KANK1: variants seen among roughly 807,000 people sequenced by gnomAD.
The protein encoded by KANK1 is KN motif and ankyrin repeat domain-containing protein 1.
A neutral mutation model predicts 106.2 loss-of-function variants in KANK1; 109 were observed. The observed-to-expected ratio is 1.03, with a 90% CI of 0.88 to 1.20. The LOEUF is 1.20. Among genes scored for constraint, KANK1 ranks in the 50% most tolerant of loss-of-function variants. KANK1 has a pLI of 0.00. For synonymous variants in KANK1, 873 were observed against 652.2 expected, an observed-to-expected ratio of 1.34 and a Z score of -5.16; for missense variants, 2,399 against 1,710.7, an observed-to-expected ratio of 1.40 and a Z score of -7.10.
intron 1 of KANK1, among the ~76,000 whole-genome samples, chr9:637,210 G>T (rs1369443799): frequency 6.6e-6 from 1 of 152,148 alleles, no homozygotes; most frequent in African/African-American, 2.4e-5. Context: ...CAGGTCTTCT[G>T]TTGCCTTCAA....
At chr9:647,071 C>A (rs183956754) in intron 1 of KANK1, among the ~76,000 whole-genome samples, 15 of 151,190 alleles carry the variant, frequency 9.9e-5, no homozygotes, top group African/African-American at 3.7e-4. Context: ...TTCCAGAAGC[C>A]ATCCCCATGA....
intron 1 of KANK1, among the ~76,000 whole-genome samples, chr9:663,505 A>G (rs1051656404): frequency 2.6e-5 from 4 of 152,240 alleles, no homozygotes; most frequent in African/African-American, 9.6e-5. Context: ...AGGAAGAAAC[A>G]TAAAGTTGGT....
chr9:583,190 C>A (rs1210423457), intron 1 of KANK1, among the ~76,000 whole-genome samples: 1 of 152,016 alleles, frequency 6.6e-6, no homozygotes, highest in Non-Finnish European at 1.5e-5. Context: ...AATTCTGTTA[C>A]CAAGTCTTTT....
At chr9:547,112 G>T (rs2060980384) in intron 1 of KANK1, among the ~76,000 whole-genome samples, 1 of 152,186 alleles carries the variant, frequency 6.6e-6, no homozygotes, top group African/African-American at 2.4e-5. Context: ...CCCTCTGTTG[G>T]TGTTCTTTTT....
At chr9:474,963 C>T (rs2058079199) in intron 3 of KANK1, among the ~76,000 whole-genome samples, 1 of 152,076 alleles carries the variant, frequency 6.6e-6, no homozygotes, top group African/African-American at 2.4e-5. Flanking sequence ...CAGGAGAGGG[C>T]CCCCCACCCT....
intron 1 of KANK1, among the ~76,000 whole-genome samples, chr9:613,051 G>A (rs2136192798): frequency 1.3e-5 from 2 of 152,086 alleles, no homozygotes; most frequent in African/African-American, 4.8e-5. Flanking sequence ...GAAGATATTG[G>A]GACAGAAGGA....
chr9:627,666 C>G (rs1181189861), intron 1 of KANK1, among the ~76,000 whole-genome samples: 1 of 152,168 alleles, frequency 6.6e-6, no homozygotes, highest in Non-Finnish European at 1.5e-5. Flanking sequence ...CATGTCATTC[C>G]AGCTCGTATC....
intron 1 of KANK1, among the ~76,000 whole-genome samples, chr9:653,758 T>C (rs1377650620): frequency 2.0e-5 from 3 of 152,196 alleles, no homozygotes; most frequent in South Asian, 2.1e-4. Flanking sequence ...GTTGCAGATA[T>C]GTTTTCTTCA....
At chr9:542,820 T>C (rs1250024828) in intron 1 of KANK1, among the ~76,000 whole-genome samples, 1 of 145,064 alleles carries the variant, frequency 6.9e-6, no homozygotes, top group Non-Finnish European at 1.5e-5. Context: ...TTTTCTCACT[T>C]ATATGTGGTA....
chr9:532,167 G>A (rs537550183), intron 1 of KANK1, among the ~76,000 whole-genome samples: 7 of 151,670 alleles, frequency 4.6e-5, no homozygotes, highest in Non-Finnish European at 1.0e-4. Flanking sequence ...GCATAACGGT[G>A]AACAGAGATT....
intron 2 of KANK1, among the ~76,000 whole-genome samples, chr9:709,423 G>C (rs1414453179): frequency 6.6e-6 from 1 of 152,184 alleles, no homozygotes; most frequent in East Asian, 1.9e-4. Context: ...GCAAAAGACA[G>C]CAGCAGGGAC....
intron 2 of KANK1, among the ~76,000 whole-genome samples, chr9:689,200 G>T (rs190863010): frequency 1.1e-4 from 16 of 152,194 alleles, no homozygotes; most frequent in African/African-American, 3.9e-4. Flanking sequence ...GGGCAATCCA[G>T]ACTGTGAAGA....
chr9:739,355 C>G (rs1834714560), intron 8 of KANK1, among the ~76,000 whole-genome samples: 1 of 152,190 alleles, frequency 6.6e-6, no homozygotes, highest in Non-Finnish European at 1.5e-5. Flanking sequence ...TCATACTGTC[C>G]AATTTTCTGA....
intron 1 of KANK1, among the ~76,000 whole-genome samples, chr9:586,999 TTC>T (rs1823650322): frequency 6.6e-6 from 1 of 152,178 alleles, no homozygotes; most frequent in Non-Finnish European, 1.5e-5. Flanking sequence ...TCAAAAACAT[TTC>T]TTTTTCCTTT....
chr9:601,620 G>A (rs937417835), intron 1 of KANK1, among the ~76,000 whole-genome samples: 4 of 151,804 alleles, frequency 2.6e-5, no homozygotes, highest in Admixed American at 2.6e-4. Context: ...TATTCGTGTG[G>A]ACTCATCATG....
intron 1 of KANK1, among the ~76,000 whole-genome samples, chr9:602,109 GTTCT>G (rs1442429727): frequency 6.6e-6 from 1 of 151,820 alleles, no homozygotes; most frequent in East Asian, 1.9e-4. Flanking sequence ...AGAAAAATAG[GTTCT>G]TTATCAATGG....
intron 1 of KANK1, among the ~76,000 whole-genome samples, chr9:632,559 C>T (rs944295137): frequency 4.6e-5 from 7 of 152,130 alleles, no homozygotes; most frequent in African/African-American, 1.7e-4. Flanking sequence ...TTCAAATGCA[C>T]CTTGGACTGC....
At chr9:523,699 C>T (rs992859902) in intron 1 of KANK1, among the ~76,000 whole-genome samples, 1 of 151,672 alleles carries the variant, frequency 6.6e-6, no homozygotes. Context: ...CTGGAGTGCT[C>T]TGTCCTCACC....
intron 1 of KANK1, among the ~76,000 whole-genome samples, chr9:543,734 A>T (rs1427480826): frequency 6.6e-6 from 1 of 152,158 alleles, no homozygotes; most frequent in Admixed American, 6.5e-5. Flanking sequence ...CAGTTTACAA[A>T]GTTTCCACTT....
Sources: gnomAD v4.1 joint callset for allele counts (sites outside exome capture counted in the v4.1 genomes callset) on GRCh38, gnomAD v4.1.1 for gene constraint, MANE v1.5 for transcripts, NCBI Gene and HGNC (gene_info 2026-07-23, HGNC 2026-07-21) for gene names.